The following NEURL1B variants were observed in gnomAD, a reference collection of about 807,000 sequenced individuals.
NEURL1B encodes the protein neuralized E3 ubiquitin protein ligase 1B.
A neutral mutation model predicts 37.4 loss-of-function variants in NEURL1B; 13 were observed. The observed-to-expected ratio is 0.35, with a 90% CI of 0.23 to 0.55. The LOEUF (loss-of-function observed/expected upper bound fraction) is 0.55, where lower values mean the gene tolerates loss of function less well. NEURL1B is among the 20% of genes least tolerant of loss of function. NEURL1B has a pLI of 0.89. For synonymous variants in NEURL1B, 432 were observed against 426.6 expected (o/e 1.01, Z -0.16); for missense variants, 790 against 879.2 (o/e 0.90, Z 1.28).
At position 172,683,298 on chromosome 5, in the gene NEURL1B, G is replaced by C. The variant is rs1392908327; in HGVS notation, c.578-121G>C. On this transcript the variant is annotated intron_variant, in intron 2 of 4. Coordinates refer to ENST00000369800, the MANE Select transcript of NEURL1B (RefSeq NM_001142651.3). This position sits in a 1 kb window ranked among gnomAD's most constrained non-coding sequence, Gnocchi z 5.6. Reference sequence around the variant, plus strand: ...GAGAGTTCGAAGCCGGGGTGGGGTGGGGGCTGCTCGAGGCCCGGGTCGGTC... The same window carrying C: ...GAGAGTTCGAAGCCGGGGTGGGGTGCGGGCTGCTCGAGGCCCGGGTCGGTC... The C allele has an allele frequency of 1.7e-6, 2 of 1,147,574 alleles. No individual in the cohort carries two copies. Among genetic ancestry groups the C allele is most frequent in the East Asian group, 6.6e-5 (2 of 30,242 alleles). The allele number at this position is 1,147,574 out of a possible 1,614,324, so 71.1% of individuals were successfully genotyped here. A position where few individuals can be genotyped will look rare whatever the true frequency, so the allele number is the denominator to read the frequency against.
chr5:172,661,855 T>G lies in NEURL1B; in HGVS notation c.32-7930T>G, dbSNP rs78004898. ...CAAAGGAAGGGCTAGGCTGGAGAGA[T>G]GAGTGGGGACCATTCAGGGGATGGC... is the stretch of plus-strand genomic sequence containing the variant. On this transcript the variant is annotated intron_variant, in intron 1 of 4. Coordinates refer to ENST00000369800, the MANE Select transcript of NEURL1B (RefSeq NM_001142651.3). This position sits in a 1 kb window ranked among gnomAD's most constrained non-coding sequence, Gnocchi z 4.0. Among the ~76,000 whole-genome samples the G allele has an allele frequency of 0.014, 2,088 of 152,330 alleles. 42 individuals are homozygous for G. The highest frequency in any genetic ancestry group is 0.047 in the African/African-American group (1,938 of 41,584).
Position 172,687,641 on chromosome 5 carries a change from C to A in NEURL1B, c.*716C>A, listed in dbSNP as rs1192645300. The A allele has an allele frequency of 6.6e-6, 1 of 152,272 alleles. No individual in the cohort carries two copies. Among genetic ancestry groups the A allele is most frequent in the Non-Finnish European group, 1.5e-5 (1 of 68,206 alleles). The allele number at this position is 152,272 out of a possible 1,614,324, so 9.4% of individuals were successfully genotyped here. On this transcript the variant is annotated 3_prime_UTR_variant, in exon 5 of 5. Transcript: ENST00000369800. Reference sequence around the variant, plus strand: ...GGTGTGATGGGCACCGAGGCCAACCCCTCTGGATTGTGTCATCTTTTCACC... The same window carrying A: ...GGTGTGATGGGCACCGAGGCCAACCACTCTGGATTGTGTCATCTTTTCACC...
chr5:172,661,289 G>T lies in NEURL1B; in HGVS notation c.32-8496G>T, dbSNP rs1196095893. Among the ~76,000 whole-genome samples, 1 of 152,086 alleles carries T rather than the reference G, an allele frequency of 6.6e-6. No individual in the cohort carries two copies. Among genetic ancestry groups the T allele is most frequent in the Admixed American group, 6.6e-5 (1 of 15,264 alleles). ...GTGCATGGAGTCTGGGTATGTTTCTGGGGGGAAACCCTGAAGTTGAATATC... is the reference window on the plus strand; with the variant it reads ...GTGCATGGAGTCTGGGTATGTTTCTTGGGGGAAACCCTGAAGTTGAATATC... On this transcript the variant is annotated intron_variant, in intron 1 of 4. Transcript: ENST00000369800. The surrounding 1 kb of genome is among the most constrained non-coding windows in gnomAD (Gnocchi z 4.0).
intron 1 of NEURL1B, among the ~76,000 whole-genome samples, chr5:172,651,992 A>C (rs1757674776): frequency 6.6e-6 from 1 of 152,238 alleles, no homozygotes; most frequent in African/African-American, 2.4e-5. Context: ...CGGAGTGTCC[A>C]GTAAAGGTCC....
chr5:172,678,908 TTGG>T (rs1758291124), intron 2 of NEURL1B, among the ~76,000 whole-genome samples: 2 of 152,186 alleles, frequency 1.3e-5, no homozygotes, highest in Admixed American at 1.3e-4. Flanking sequence ...CCCAGATATA[TTGG>T]ACCTAAGAGA....
At chr5:172,681,092 T>G (rs2113326709) in intron 2 of NEURL1B, among the ~76,000 whole-genome samples, 1 of 151,586 alleles carries the variant, frequency 6.6e-6, no homozygotes, top group East Asian at 1.9e-4. Flanking sequence ...GTGGGGGAGG[T>G]GCTACACTTC....
intron 1 of NEURL1B, among the ~76,000 whole-genome samples, chr5:172,645,862 A>G (rs935223025): frequency 2.6e-5 from 4 of 152,192 alleles, no homozygotes; most frequent in African/African-American, 9.7e-5. Flanking sequence ...AGAGAGGGAA[A>G]GTCAGCACCC....
rs117219919 is a variant in NEURL1B, at chr5:172,673,590, A to G, written c.577+3260A>G. ...ACACCCAGTTACATTGGAATTTCAG[A>G]TAAACAAGGAAAAAAAAGTTTTTTT... is the stretch of plus-strand genomic sequence containing the variant. On this transcript the variant is annotated intron_variant, in intron 2 of 4. Coordinates refer to ENST00000369800, the MANE Select transcript of NEURL1B (RefSeq NM_001142651.3). 7.4e-4 allele frequency among the ~76,000 whole-genome samples: 112 copies of G among 152,236 alleles called. No individual in the cohort carries two copies. In the East Asian group the frequency reaches 0.019, roughly 26 times the overall value.
In NEURL1B at chr5:172,683,299, G is replaced by A. The variant is rs1355544382; in HGVS notation, c.578-120G>A. 45 of 1,155,688 alleles carry A rather than the reference G, an allele frequency of 3.9e-5. No individual in the cohort carries two copies. The highest frequency in any genetic ancestry group is 4.5e-5 in the Non-Finnish European group (41 of 914,362). 71.6% of individuals were successfully genotyped at this position (1,155,688 alleles called of 1,614,324 possible). On this transcript the variant is annotated intron_variant, in intron 2 of 4. Coordinates refer to ENST00000369800, the MANE Select transcript of NEURL1B (RefSeq NM_001142651.3). The surrounding 1 kb of genome is among the most constrained non-coding windows in gnomAD (Gnocchi z 5.6). ...AGAGTTCGAAGCCGGGGTGGGGTGGGGGCTGCTCGAGGCCCGGGTCGGTCG... is the reference window on the plus strand; with the variant it reads ...AGAGTTCGAAGCCGGGGTGGGGTGGAGGCTGCTCGAGGCCCGGGTCGGTCG...
At chr5:172,656,618 T>A (rs1757783852) in intron 1 of NEURL1B, 1 of 1,609,972 alleles carries the variant, frequency 6.2e-7, no homozygotes, top group Admixed American at 1.7e-5. Context: ...CCTCTTTTTG[T>A]TTCTGCTTGA....
chr5:172,683,972 G>C lies in NEURL1B; in HGVS notation c.1131G>C (p.Val377=), dbSNP rs145984019. 84 of 1,320,762 alleles carry C rather than the reference G, an allele frequency of 6.4e-5. 1 individual carries two copies. Among genetic ancestry groups the C allele is most frequent in the Middle Eastern group, 5.6e-4 (2 of 3,564 alleles). The allele number at this position is 1,320,762 out of a possible 1,614,324, so 81.8% of individuals were successfully genotyped here. Residue 377 remains valine, a synonymous_variant, in exon 3 of 5, where the codon GTG becomes GTC. Transcript: ENST00000369800. This position sits in a 1 kb window ranked among gnomAD's most constrained non-coding sequence, Gnocchi z 5.6. ...GGGTGGTGGCGCGCGCCGGGCCCGT[G>C]CCGAGCGGCGGCGACGCGCTCAGCT... The part of the protein sequence containing the change: ...EYWVVARAGP[V]PSGGDALSFT...
chr5:172,682,389 A>G (rs1330358549), intron 2 of NEURL1B, among the ~76,000 whole-genome samples: 1 of 152,232 alleles, frequency 6.6e-6, no homozygotes, highest in Non-Finnish European at 1.5e-5. Flanking sequence ...AGCCTGGCCA[A>G]CATGGCAAAG....
Position 172,677,116 on chromosome 5 carries a change from C to T in NEURL1B, c.578-6303C>T, listed in dbSNP as rs184541054. On this transcript the variant is annotated intron_variant, in intron 2 of 4. Transcript: ENST00000369800. Reference sequence around the variant, plus strand: ...AGGGGCCTGTAAGCACACCTTGGGCCGGGAGGAATGCTGCTGTGCTGCTGG... The same window carrying T: ...AGGGGCCTGTAAGCACACCTTGGGCTGGGAGGAATGCTGCTGTGCTGCTGG... Among the ~76,000 whole-genome samples the T allele has an allele frequency of 5.3e-5, 8 of 151,838 alleles. No individual in the cohort carries two copies. In the East Asian group the frequency reaches 1.2e-3, roughly 22 times the overall value.
At chr5:172,679,007 TA>T (rs1210505685) in intron 2 of NEURL1B, among the ~76,000 whole-genome samples, 3 of 152,246 alleles carry the variant, frequency 2.0e-5, no homozygotes, top group Admixed American at 2.0e-4. Context: ...AGCCTCCTCG[TA>T]CCTGACTGGG....
At chr5:172,664,173 T>G (rs573995120) in intron 1 of NEURL1B, among the ~76,000 whole-genome samples, 1 of 152,248 alleles carries the variant, frequency 6.6e-6, no homozygotes, top group Middle Eastern at 3.4e-3. Context: ...GTGGTACTTA[T>G]GGAAGAAAGT....
intron 2 of NEURL1B, among the ~76,000 whole-genome samples, chr5:172,678,710 C>G (rs1405962327): frequency 6.6e-6 from 1 of 152,240 alleles, no homozygotes; most frequent in African/African-American, 2.4e-5. Flanking sequence ...CTCGATTCCT[C>G]TTTTCCTTGC....
chr5:172,673,069 A>G (rs574832628), intron 2 of NEURL1B, among the ~76,000 whole-genome samples: 1 of 152,338 alleles, frequency 6.6e-6, no homozygotes, highest in Non-Finnish European at 1.5e-5. Context: ...GTCATTGGAT[A>G]CATCTGGGTA....
At chr5:172,670,609 A>G (rs139405489) in intron 2 of NEURL1B, among the ~76,000 whole-genome samples, 186 of 152,290 alleles carry the variant, frequency 1.2e-3, no homozygotes, top group African/African-American at 4.4e-3. Flanking sequence ...AGGTTCATTC[A>G]CTCACTCATT....
rs1010366104 is a variant in NEURL1B at position 172,686,740 on chromosome 5, C to A, written c.1483C>A (p.Pro495Thr). The A allele has an allele frequency of 9.7e-6, 15 of 1,551,458 alleles. No individual in the cohort carries two copies. In the African/African-American group the frequency reaches 2.1e-4, roughly 21 times the overall value. ...GTCCCCCGTGTTCTCCCCACCGGAG[C>A]CGGCAGGCATCAAGAATGGCGAGTG... ...PVSPVFSPPE[P>T]AGIKNGECTV... Residue 495 changes from proline (P) to threonine (T), a missense_variant, in exon 5 of 5, where the codon CCG becomes ACG. Physicochemically the swap from Pro to Thr is conservative, Grantham distance 38 (BLOSUM62 -1). Transcript: ENST00000369800. This position sits in a 1 kb window ranked among gnomAD's most constrained non-coding sequence, Gnocchi z 7.9.
Sources: allele counts gnomAD v4.1 joint callset (sites outside exome capture counted in the v4.1 genomes callset), GRCh38; gene constraint gnomAD v4.1.1; non-coding constraint Gnocchi (gnomAD v3.1); transcripts MANE v1.5; gene names NCBI Gene and HGNC (gene_info 2026-07-23, HGNC 2026-07-21).